ZDHHC13: variants seen among roughly 807,000 people sequenced by gnomAD.
ZDHHC13 encodes palmitoyltransferase ZDHHC13.
Under a neutral mutation model 86.0 loss-of-function variants are expected in ZDHHC13, and 85 were observed. The observed-to-expected ratio is 0.99, with a 90% confidence interval of 0.83 to 1.18. The LOEUF is 1.18. ZDHHC13 is among the 50% of genes most tolerant of loss of function. ZDHHC13 has a pLI of 0.00. For missense variants in ZDHHC13, 711 were observed against 730.2 expected (o/e 0.97, Z 0.30); for synonymous variants, 263 against 246.4 (o/e 1.07, Z -0.63).
Position 19,135,330 on chromosome 11 carries a change from G to A in ZDHHC13, c.28-7648G>A, listed in dbSNP as rs139862177. On this transcript the variant is annotated intron_variant, in intron 1 of 16. Coordinates refer to ENST00000446113, the MANE Select transcript of ZDHHC13 (RefSeq NM_019028.3). ...GATGACAGATGGCACCTGGAAAATC[G>A]GGTCACTCCCACCCGAATACTGCGC... Among the ~76,000 whole-genome samples the A allele has an allele frequency of 5.6e-3, 855 of 152,334 alleles. 7 individuals carry two copies. Among genetic ancestry groups the A allele is most frequent in the African/African-American group, 0.019 (806 of 41,580 alleles).
intron 1 of ZDHHC13, among the ~76,000 whole-genome samples, chr11:19,134,462 G>A (rs1425934431): frequency 2.6e-5 from 4 of 152,160 alleles, no homozygotes; most frequent in Non-Finnish European, 4.4e-5. Context: ...CAACTCAAAT[G>A]CCCATCAATG....
At position 19,149,135 on chromosome 11, in the gene ZDHHC13, C is replaced by A. The variant is rs142275847; in HGVS notation, c.375-52C>A. On this transcript the variant is annotated intron_variant, in intron 4 of 16. Transcript: ENST00000446113. ...CTTAGGAATATCAGTCTCTCCCTGA[C>A]TTTTTGCTTTTTCTGCATGCTACAG... The A allele has an allele frequency of 1.4e-4, 203 of 1,407,062 alleles. No homozygotes were observed. The African/African-American group carries it at 1.5e-3, about 10-fold the overall frequency. The allele number at this position is 1,407,062 out of a possible 1,614,324, so 87.2% of individuals were successfully genotyped here.
At chr11:19,122,964 C>T (rs185230575) in intron 1 of ZDHHC13, among the ~76,000 whole-genome samples, 20 of 152,204 alleles carry the variant, frequency 1.3e-4, no homozygotes, top group Non-Finnish European at 2.2e-4. Context: ...ATGACATGAA[C>T]GGAAGATATC....
In ZDHHC13 at chr11:19,144,939, A is replaced by G. The variant is rs117778185; in HGVS notation, c.174-1242A>G. 5.8e-3 allele frequency among the ~76,000 whole-genome samples: 885 copies of G among 152,164 alleles called. 29 individuals carry two copies. In the East Asian group the frequency reaches 0.086, roughly 15 times the overall value. The stretch of plus-strand genomic sequence containing the variant: ...GAGACCAGCCTGGCTAACGTGGTGA[A>G]ACCTATTAAAAATACAAAAATTAGC... On this transcript the variant is annotated intron_variant, in intron 2 of 16. Coordinates refer to ENST00000446113, the MANE Select transcript of ZDHHC13 (RefSeq NM_019028.3).
At chr11:19,133,353 A>G (rs1849042959) in intron 1 of ZDHHC13, among the ~76,000 whole-genome samples, 1 of 132,886 alleles carries the variant, frequency 7.5e-6, no homozygotes, top group South Asian at 2.3e-4. Flanking sequence ...AATTGTTTAC[A>G]TATATATATA....
intron 8 of ZDHHC13, among the ~76,000 whole-genome samples, chr11:19,155,581 CA>C (rs370534138): frequency 0.075 from 3,525 of 46,816 alleles, 78 homozygotes; most frequent in East Asian, 0.2. Context: ...AACTTCATCT[CA>C]AAAAAAAAAA....
chr11:19,147,772 T>TTCC (rs1565030953), intron 4 of ZDHHC13, 99 bp downstream of exon 4: 14 of 407,794 alleles, frequency 3.4e-5, no homozygotes, highest in Non-Finnish European at 4.8e-5. Context: ...TGTCTTTTCT[T>TTCC]CCCCCCCCCC....
At chr11:19,165,251 T>G (rs944816923) in intron 13 of ZDHHC13, 106 bp downstream of exon 13, 1 of 1,026,472 alleles carries the variant, frequency 9.7e-7, no homozygotes, top group Non-Finnish European at 1.5e-6. Flanking sequence ...TTCAATATTC[T>G]AGTATTCCAA....
At chr11:19,121,132 T>G (rs1415307845) in intron 1 of ZDHHC13, among the ~76,000 whole-genome samples, 3 of 152,250 alleles carry the variant, frequency 2.0e-5, no homozygotes, top group Non-Finnish European at 4.4e-5. Flanking sequence ...CTTTAACTTT[T>G]CCCATGAATT....
At chr11:19,139,082 G>A (rs914091769) in intron 1 of ZDHHC13, among the ~76,000 whole-genome samples, 3 of 152,020 alleles carry the variant, frequency 2.0e-5, no homozygotes, top group African/African-American at 7.2e-5. Flanking sequence ...GGTAGGAGAA[G>A]GAAATAAAGG....
chr11:19,159,118 A>G (rs1404966594), intron 10 of ZDHHC13, 78 bp downstream of exon 10: 7 of 1,032,194 alleles, frequency 6.8e-6, no homozygotes, highest in East Asian at 2.7e-5. Flanking sequence ...GAATTTAGGT[A>G]TTGGAAAAGG....
At chr11:19,154,930 T>C (rs1352397520) in intron 8 of ZDHHC13, among the ~76,000 whole-genome samples, 2 of 152,338 alleles carry the variant, frequency 1.3e-5, no homozygotes, top group East Asian at 3.9e-4. Flanking sequence ...TATGTACTGA[T>C]AAATTTCAAG....
chr11:19,164,463 C>A, intron 12 of ZDHHC13, 100 bp downstream of exon 12: 2 of 1,154,954 alleles, frequency 1.7e-6, no homozygotes, highest in Non-Finnish European at 2.5e-6. Context: ...ATTTATACAC[C>A]TTTGTTTTTA....
intron 7 of ZDHHC13, 67 bp downstream of exon 7, chr11:19,152,387 A>G: frequency 6.5e-7 from 1 of 1,547,232 alleles, no homozygotes; most frequent in Non-Finnish European, 8.7e-7. Flanking sequence ...AAATTAACGT[A>G]AAGATAAGCT....
chr11:19,153,784 C>T, intron 8 of ZDHHC13, among the ~76,000 whole-genome samples: 1 of 152,124 alleles, frequency 6.6e-6, no homozygotes, highest in East Asian at 1.9e-4. Flanking sequence ...CTGATACCCT[C>T]CCCACCCTTC....
chr11:19,139,145 G>T (rs1199171836), intron 1 of ZDHHC13, among the ~76,000 whole-genome samples: 1 of 152,034 alleles, frequency 6.6e-6, no homozygotes, highest in Non-Finnish European at 1.5e-5. Flanking sequence ...CAGACGACAT[G>T]ATTGTATATC....
At chr11:19,152,793 A>G (rs1236717761) in intron 8 of ZDHHC13, 109 bp downstream of exon 8, 28 of 1,523,756 alleles carry the variant, frequency 1.8e-5, no homozygotes, top group East Asian at 2.3e-5. Context: ...TTGCTGCATT[A>G]TATCTGCTGA....
At chr11:19,131,505 C>T (rs1282288281) in intron 1 of ZDHHC13, among the ~76,000 whole-genome samples, 1 of 152,134 alleles carries the variant, frequency 6.6e-6, no homozygotes, top group Non-Finnish European at 1.5e-5. Context: ...TATACATCTT[C>T]AGTCGTCTTC....
chr11:19,166,667 G>A (rs1385405801), intron 14 of ZDHHC13: 1 of 206,982 alleles, frequency 4.8e-6, no homozygotes, highest in Non-Finnish European at 9.4e-6. Flanking sequence ...CAGTGAAGAA[G>A]GAAAGTCAGC....
Sources: gnomAD v4.1 joint callset for allele counts (sites outside exome capture counted in the v4.1 genomes callset) on GRCh38, gnomAD v4.1.1 for gene constraint, MANE v1.5 for transcripts, NCBI Gene and HGNC (gene_info 2026-07-23, HGNC 2026-07-21) for gene names.